The following SYT11 variants were observed in gnomAD, a reference collection of about 807,000 sequenced individuals.
SYT11 encodes the protein synaptotagmin-11.
Under a neutral mutation model 30.4 loss-of-function variants are expected in SYT11, and 12 were observed. That is an observed-to-expected ratio of 0.39 (90% CI 0.25 to 0.64). SYT11 has a LOEUF of 0.64. Among genes scored for constraint, SYT11 ranks in the 30% least tolerant of loss-of-function variants. SYT11 has a pLI of 0.45. For synonymous variants in SYT11, 204 were observed against 216.0 expected (o/e 0.94, Z 0.49); for missense variants, 412 against 552.0 (o/e 0.75, Z 2.54).
chr1:155,872,705 A>ATT (rs1672799403), intron 2 of SYT11, among the ~76,000 whole-genome samples: 1 of 152,198 alleles, frequency 6.6e-6, no homozygotes, highest in African/African-American at 2.4e-5. Flanking sequence ...AGAAAGAGCC[A>ATT]TTGACATAGC....
rs890421657 is a variant in SYT11 at position 155,882,791 on chromosome 1, A to G, written c.*1283A>G. ...TTTCTTGGTTGATGGGTTGGAAGTC[A>G]TCAGAGGTTTGAAGAATTACACTGG... On this transcript the variant is annotated 3_prime_UTR_variant, in exon 4 of 4. Coordinates refer to ENST00000368324, the MANE Select transcript of SYT11 (RefSeq NM_152280.5). 1 of 152,350 alleles carries G rather than the reference A, an allele frequency of 6.6e-6. No homozygotes were observed. The highest frequency in any genetic ancestry group is 2.4e-5 in the African/African-American group (1 of 41,450). 9.4% of individuals were successfully genotyped at this position (152,350 alleles called of 1,614,324 possible). A position where few individuals can be genotyped will look rare whatever the true frequency, so the allele number is the denominator to read the frequency against.
At chr1:155,878,198 TCAC>T (rs766353851) in intron 2 of SYT11, among the ~76,000 whole-genome samples, 10 of 142,498 alleles carry the variant, frequency 7.0e-5, no homozygotes, top group Non-Finnish European at 1.4e-4. Flanking sequence ...AGCCGAGATC[TCAC>T]CACTGTCCTT....
At position 155,868,130 on chromosome 1, in the gene SYT11, A is replaced by C; in HGVS notation, c.200A>C (p.Glu67Ala). ...CTCAAAGGCATCAGCATATACCCAG[A>C]GACCCTCAGCAACAAGAAGAAAATC... Reference protein sequence around the residue: ...HMLKGISIYPETLSNKKKIIK... With the variant: ...HMLKGISIYPATLSNKKKIIK... The change falls in exon 2 of 4, where the codon GAG (glutamate) becomes GCG (alanine). Residue 67 changes from glutamate (E) to alanine (A), a missense_variant. Physicochemically the swap from Glu to Ala is moderately radical, Grantham distance 107. Coordinates refer to ENST00000368324, the MANE Select transcript of SYT11 (RefSeq NM_152280.5). The surrounding 1 kb of genome is among the most constrained non-coding windows in gnomAD (Gnocchi z 4.7). 1 of 1,614,162 alleles carries C rather than the reference A, an allele frequency of 6.2e-7. No individual in the cohort carries two copies. The highest frequency in any genetic ancestry group is 8.5e-7 in the Non-Finnish European group (1 of 1,180,044).
At chr1:155,861,578 T>G (rs546281209) in intron 1 of SYT11, among the ~76,000 whole-genome samples, 5 of 152,364 alleles carry the variant, frequency 3.3e-5, no homozygotes, top group African/African-American at 1.2e-4. Context: ...TAAAATAACT[T>G]GGCTAAAGCC....
chr1:155,865,185 T>C (rs1672649668), intron 1 of SYT11, among the ~76,000 whole-genome samples: 1 of 152,192 alleles, frequency 6.6e-6, no homozygotes, highest in African/African-American at 2.4e-5. Flanking sequence ...ATAATAAATA[T>C]ATGTCAGGAT....
Position 155,859,601 on chromosome 1 carries a change from A to G in SYT11, c.-161A>G. The G allele has an allele frequency of 1.4e-6, 1 of 703,588 alleles. No homozygotes were observed. Among genetic ancestry groups the G allele is most frequent in the Non-Finnish European group, 2.6e-6 (1 of 388,102 alleles). 43.6% of individuals were successfully genotyped at this position (703,588 alleles called of 1,614,324 possible). On this transcript the variant is annotated 5_prime_UTR_variant, in exon 1 of 4. Transcript: ENST00000368324. ...CCGGAGCATCTTAAGAGCTGAGCGCAGCTGACAACTAGGGGCCGGACCGTC... is the reference window on the plus strand; with the variant it reads ...CCGGAGCATCTTAAGAGCTGAGCGCGGCTGACAACTAGGGGCCGGACCGTC...
chr1:155,862,478 T>G (rs892804664), intron 1 of SYT11, among the ~76,000 whole-genome samples: 14 of 152,224 alleles, frequency 9.2e-5, no homozygotes, highest in Non-Finnish European at 1.9e-4. Flanking sequence ...GGGGAACAAC[T>G]AGATAATTCA....
intron 2 of SYT11, among the ~76,000 whole-genome samples, chr1:155,869,429 C>G (rs186532835): frequency 2.2e-4 from 34 of 152,022 alleles, no homozygotes; most frequent in African/African-American, 7.7e-4. Context: ...CATCACCACG[C>G]CTGGCTAATT....
intron 1 of SYT11, among the ~76,000 whole-genome samples, chr1:155,867,261 G>A (rs1040964619): frequency 6.6e-6 from 1 of 152,090 alleles, no homozygotes; most frequent in African/African-American, 2.4e-5. Context: ...GTTTCACCAT[G>A]TTGGTCAGTC....
Position 155,873,949 on chromosome 1 carries a change from G to A in SYT11, c.861+5158G>A, listed in dbSNP as rs1258815582. ...TTCACTGATTACATTCTGATTTCTG[G>A]CAAAAGGAAAAAGCCCAGAAGTATA... On this transcript the variant is annotated intron_variant, in intron 2 of 3. Transcript: ENST00000368324. 2.0e-5 allele frequency among the ~76,000 whole-genome samples: 3 copies of A among 152,274 alleles called. No homozygotes were observed. The East Asian group carries it at 5.8e-4, about 29-fold the overall frequency.
At chr1:155,880,699 C>A in intron 3 of SYT11, 76 bp downstream of exon 3, 1 of 1,559,598 alleles carries the variant, frequency 6.4e-7, no homozygotes, top group South Asian at 1.1e-5. Context: ...GATAGACCTC[C>A]ACACTTCAAG....
chr1:155,879,121 A>T (rs1303657960), intron 2 of SYT11, among the ~76,000 whole-genome samples: 1 of 151,714 alleles, frequency 6.6e-6, no homozygotes, highest in East Asian at 2.0e-4. Context: ...TGTTCTTTAA[A>T]ATGTTCTTGG....
rs944859537 is a variant in SYT11 at position 155,860,648 on chromosome 1, G to A, written c.34+853G>A. ...AAAGAGGCCCAGCCCGGGGGAGGCC[G>A]CTTTGTGTACCGCAGAAAGCATTAC... On this transcript the variant is annotated intron_variant, in intron 1 of 3. Transcript: ENST00000368324. The surrounding 1 kb of genome is among the most constrained non-coding windows in gnomAD (Gnocchi z 4.1). Among the ~76,000 whole-genome samples the A allele has an allele frequency of 1.3e-5, 2 of 152,312 alleles. No individual in the cohort carries two copies. The highest frequency in any genetic ancestry group is 3.9e-4 in the East Asian group (2 of 5,172).
chr1:155,869,925 A>C (rs2102559198), intron 2 of SYT11, among the ~76,000 whole-genome samples: 1 of 152,352 alleles, frequency 6.6e-6, no homozygotes, highest in Middle Eastern at 3.4e-3. Flanking sequence ...ACCACTTGCC[A>C]GCCGTGTGAC....
In SYT11 at chr1:155,868,109, A is replaced by C; in HGVS notation, c.179A>C (p.Lys60Thr). ...CCATACAAGTTTATTCACATGCTCA[A>C]AGGCATCAGCATATACCCAGAGACC... is the stretch of plus-strand genomic sequence containing the variant. ...NPPYKFIHML[K>T]GISIYPETLS... The change falls in exon 2 of 4, where the codon AAA becomes ACA. Residue 60 changes from lysine to threonine, a missense_variant. Lys to Thr is a moderately conservative substitution (Grantham distance 78). Transcript: ENST00000368324. The surrounding 1 kb of genome is among the most constrained non-coding windows in gnomAD (Gnocchi z 4.7). 1.9e-6 allele frequency: 3 copies of C among 1,614,098 alleles called. No individual in the cohort carries two copies. Among genetic ancestry groups the C allele is most frequent in the Non-Finnish European group, 2.5e-6 (3 of 1,180,016 alleles).
At chr1:155,873,350 C>A (rs567316437) in intron 2 of SYT11, among the ~76,000 whole-genome samples, 1 of 152,048 alleles carries the variant, frequency 6.6e-6, no homozygotes, top group Admixed American at 6.6e-5. Context: ...TGCTTGAACC[C>A]GGGAGACAGA....
chr1:155,867,842 C>A, intron 1 of SYT11, 123 bp from the exon 2 acceptor site: 1 of 744,534 alleles, frequency 1.3e-6, no homozygotes, highest in Non-Finnish European at 2.1e-6. Flanking sequence ...CCCAGATGAG[C>A]ACATTTTGCT....
At position 155,878,722 on chromosome 1, in the gene SYT11, C is replaced by A. The variant is rs1278268597; in HGVS notation, c.862-1778C>A. 2.0e-5 allele frequency among the ~76,000 whole-genome samples: 3 copies of A among 151,986 alleles called. No homozygotes were observed. The South Asian group carries it at 6.2e-4, about 32-fold the overall frequency. The stretch of plus-strand genomic sequence containing the variant: ...CTACTAAAAATACAAAAAAAATTAG[C>A]CGGGCGTGGTGGCGGGCGCCTGTAG... On this transcript the variant is annotated intron_variant, in intron 2 of 3. Coordinates refer to ENST00000368324, the MANE Select transcript of SYT11 (RefSeq NM_152280.5).
chr1:155,865,409 C>T (rs1002342760), intron 1 of SYT11, among the ~76,000 whole-genome samples: 3 of 152,070 alleles, frequency 2.0e-5, no homozygotes, highest in South Asian at 2.1e-4. Flanking sequence ...AATTGGATCA[C>T]TTGCGGTTAG....
Sources: allele counts gnomAD v4.1 joint callset (sites outside exome capture counted in the v4.1 genomes callset), GRCh38; gene constraint gnomAD v4.1.1; non-coding constraint Gnocchi (gnomAD v3.1); transcripts MANE v1.5; gene names NCBI Gene and HGNC (gene_info 2026-07-23, HGNC 2026-07-21).